CR1L: variants seen among roughly 807,000 people sequenced by gnomAD.
CR1L encodes the protein complement C3b/C4b receptor 1 like.
In CR1L, 59 loss-of-function variants were observed where a neutral mutation model predicts 62.3. That is an observed-to-expected ratio of 0.95 (90% CI 0.77 to 1.18). The LOEUF (loss-of-function observed/expected upper bound fraction) is 1.18, where lower values mean the gene tolerates loss of function less well. Among genes scored for constraint, CR1L ranks in the 50% most tolerant of loss-of-function variants. The pLI is 0.00. For missense variants in CR1L, 700 were observed against 702.8 expected, an observed-to-expected ratio of 1.00 and a Z score of 0.04; for synonymous variants, 279 against 248.7, an observed-to-expected ratio of 1.12 and a Z score of -1.15.
chr1:207,692,731 T>C (rs1664016220), intron 4 of CR1L, among the ~76,000 whole-genome samples: 1 of 151,144 alleles, frequency 6.6e-6, no homozygotes, highest in African/African-American at 2.4e-5. Flanking sequence ...TCTCTCTCTC[T>C]ACGTTCCTCG....
chr1:207,650,816 C>T (rs529310303), intron 1 of CR1L, among the ~76,000 whole-genome samples: 3 of 146,646 alleles, frequency 2.0e-5, no homozygotes, highest in East Asian at 4.1e-4. Context: ...GACAGAGTCT[C>T]GCTCTGCTGC....
intron 5 of CR1L, among the ~76,000 whole-genome samples, chr1:207,695,907 C>T (rs763937271): frequency 6.6e-6 from 1 of 152,192 alleles, no homozygotes; most frequent in Non-Finnish European, 1.5e-5. Context: ...AGAAACCACC[C>T]CCATGATCCA....
At chr1:207,655,872 A>G (rs1372137845) in intron 1 of CR1L, among the ~76,000 whole-genome samples, 1 of 152,230 alleles carries the variant, frequency 6.6e-6, no homozygotes, top group African/African-American at 2.4e-5. Flanking sequence ...CATCTCTTCA[A>G]CACCTAACTT....
intron 10 of CR1L, among the ~76,000 whole-genome samples, chr1:207,709,798 C>T (rs1164389382): frequency 6.9e-6 from 1 of 145,694 alleles, no homozygotes; most frequent in Non-Finnish European, 1.5e-5. Context: ...GATCATGATA[C>T]TGCACTCCAG....
intron 11 of CR1L, among the ~76,000 whole-genome samples, chr1:207,722,945 A>C (rs1334420771): frequency 6.6e-6 from 1 of 152,194 alleles, no homozygotes. Context: ...TGAATATACT[A>C]TGATGCATCT....
intron 1 of CR1L, 51 bp downstream of exon 1, chr1:207,645,381 T>C: frequency 1.9e-6 from 3 of 1,592,104 alleles, no homozygotes. Flanking sequence ...AGAGCTCTGC[T>C]CAGTCAGTCG....
At chr1:207,701,247 A>T (rs1254452132) in intron 8 of CR1L, among the ~76,000 whole-genome samples, 1 of 152,234 alleles carries the variant, frequency 6.6e-6, no homozygotes, top group African/African-American at 2.4e-5. Flanking sequence ...ATAATGCCAT[A>T]AATGACCTTT....
chr1:207,672,637 A>G (rs1283484990), intron 1 of CR1L, among the ~76,000 whole-genome samples: 4 of 152,072 alleles, frequency 2.6e-5, no homozygotes, highest in African/African-American at 9.7e-5. Context: ...GCTCACATTC[A>G]TGGGGATAGA....
At chr1:207,689,659 C>T (rs984772616) in intron 4 of CR1L, among the ~76,000 whole-genome samples, 1 of 151,820 alleles carries the variant, frequency 6.6e-6, no homozygotes, top group African/African-American at 2.4e-5. Context: ...TTTTTCTAGT[C>T]TCCGGAATAA....
chr1:207,678,405 C>A (rs1480595676), intron 3 of CR1L, 108 bp downstream of exon 3: 2 of 976,334 alleles, frequency 2.0e-6, no homozygotes, highest in African/African-American at 1.6e-5. Context: ...TTACCATCTG[C>A]TCTTTAAAGG....
chr1:207,686,579 A>G (rs1174584809), intron 4 of CR1L, among the ~76,000 whole-genome samples: 1 of 152,226 alleles, frequency 6.6e-6, no homozygotes, highest in Non-Finnish European at 1.5e-5. Context: ...CTTAAAATCA[A>G]CTAAGTCAAT....
intron 4 of CR1L, 80 bp downstream of exon 4, chr1:207,684,037 T>C: frequency 7.4e-7 from 1 of 1,348,440 alleles, no homozygotes; most frequent in Non-Finnish European, 1.0e-6. Context: ...CTTAACCGAA[T>C]TCCTTCTGTG....
At chr1:207,722,558 G>A (rs1295035774) in intron 11 of CR1L, among the ~76,000 whole-genome samples, 2 of 151,594 alleles carry the variant, frequency 1.3e-5, no homozygotes, top group Non-Finnish European at 2.9e-5. Flanking sequence ...CTATATCTCT[G>A]TTTTGGTACC....
At chr1:207,707,119 A>G (rs1328549606) in intron 9 of CR1L, among the ~76,000 whole-genome samples, 20 of 152,356 alleles carry the variant, frequency 1.3e-4, no homozygotes, top group Non-Finnish European at 2.2e-4. Flanking sequence ...TGGAAAAAAT[A>G]TTAAGTTTAA....
chr1:207,674,210 A>G (rs1343785423), intron 1 of CR1L, among the ~76,000 whole-genome samples: 2 of 152,216 alleles, frequency 1.3e-5, no homozygotes. Flanking sequence ...GATGCATTAC[A>G]GAAGGACATG....
At chr1:207,689,477 A>G (rs1238564385) in intron 4 of CR1L, among the ~76,000 whole-genome samples, 2 of 152,084 alleles carry the variant, frequency 1.3e-5, no homozygotes, top group African/African-American at 4.8e-5. Context: ...TGATCATTGT[A>G]TCATCCTTTG....
intron 11 of CR1L, 69 bp from the exon 12 acceptor site, chr1:207,723,549 G>T (rs541686851): frequency 1.6e-6 from 2 of 1,282,176 alleles, no homozygotes; most frequent in East Asian, 2.4e-5. Context: ...ATTGTCACTG[G>T]CTGAGAAGTC....
At chr1:207,715,710 T>A (rs1653979527) in intron 10 of CR1L, among the ~76,000 whole-genome samples, 1 of 149,018 alleles carries the variant, frequency 6.7e-6, no homozygotes, top group African/African-American at 2.5e-5. Context: ...CTTTCTTACA[T>A]TTTTTTTTTC....
intron 10 of CR1L, among the ~76,000 whole-genome samples, chr1:207,712,647 C>T (rs747586875): frequency 3.3e-5 from 5 of 152,198 alleles, no homozygotes; most frequent in Non-Finnish European, 7.3e-5. Flanking sequence ...AGAGGGGCTG[C>T]GTCTCTGCAC....
Sources: gnomAD v4.1 joint callset for allele counts (sites outside exome capture counted in the v4.1 genomes callset) on GRCh38, gnomAD v4.1.1 for gene constraint, MANE v1.5 for transcripts, NCBI Gene and HGNC (gene_info 2026-07-23, HGNC 2026-07-21) for gene names.